Variants in MAPK8 observed in about 807,000 individuals in gnomAD.
MAPK8 encodes JUN N-terminal kinase.
Under a neutral mutation model 52.9 loss-of-function variants are expected in MAPK8, and 13 were observed. The ratio of observed to expected loss-of-function variants is 0.25; its 90% CI spans 0.16 to 0.39. The LOEUF (loss-of-function observed/expected upper bound fraction) is 0.39. Among genes scored for constraint, MAPK8 ranks in the 10% least tolerant of loss-of-function variants. The pLI is 1.00. For missense variants in MAPK8, 300 were observed against 519.2 expected, an observed-to-expected ratio of 0.58 and a Z score of 4.10; for synonymous variants, 191 against 169.8, an observed-to-expected ratio of 1.12 and a Z score of -0.97.
At chr10:48,339,259 T>C (rs1248932424) in intron 1 of MAPK8, among the ~76,000 whole-genome samples, 1 of 151,930 alleles carries the variant, frequency 6.6e-6, no homozygotes, top group Non-Finnish European at 1.5e-5. Context: ...TGGAACAAAA[T>C]AGAGAACCCA....
At chr10:48,330,472 G>A (rs1277547698) in intron 1 of MAPK8, among the ~76,000 whole-genome samples, 1 of 152,190 alleles carries the variant, frequency 6.6e-6, no homozygotes, top group Non-Finnish European at 1.5e-5. Context: ...AAGCAAATGA[G>A]AGAACCCAGC....
chr10:48,376,601 T>G (rs2040678218), intron 1 of MAPK8, among the ~76,000 whole-genome samples: 1 of 152,172 alleles, frequency 6.6e-6, no homozygotes, highest in Non-Finnish European at 1.5e-5. Context: ...AAAGAAGACA[T>G]TTATGCAGCC....
intron 1 of MAPK8, among the ~76,000 whole-genome samples, chr10:48,365,637 C>A (rs781460710): frequency 1.4e-4 from 21 of 152,042 alleles, no homozygotes; most frequent in Non-Finnish European, 2.8e-4. Context: ...GATTATTATC[C>A]CATCTTTTGA....
intron 1 of MAPK8, among the ~76,000 whole-genome samples, chr10:48,332,703 C>A (rs1844272911): frequency 6.6e-6 from 1 of 152,240 alleles, no homozygotes; most frequent in African/African-American, 2.4e-5. Context: ...AAACCATTTA[C>A]ATGAACTATG....
intron 2 of MAPK8, among the ~76,000 whole-genome samples, chr10:48,403,980 T>C (rs2042312344): frequency 6.8e-6 from 1 of 146,444 alleles, no homozygotes; most frequent in East Asian, 2.0e-4. Context: ...AGACAGGGTT[T>C]CACCATGTTA....
At chr10:48,378,633 A>C (rs2040810939) in intron 1 of MAPK8, among the ~76,000 whole-genome samples, 2 of 152,162 alleles carry the variant, frequency 1.3e-5, no homozygotes, top group Non-Finnish European at 2.9e-5. Context: ...GAAAACTCAA[A>C]AACAATGGTC....
At chr10:48,338,741 A>G (rs762166251) in intron 1 of MAPK8, among the ~76,000 whole-genome samples, 6 of 152,196 alleles carry the variant, frequency 3.9e-5, no homozygotes, top group Admixed American at 1.3e-4. Flanking sequence ...AGGATACAAA[A>G]TAAATGTACA....
At chr10:48,322,028 C>T (rs1011657836) in intron 1 of MAPK8, among the ~76,000 whole-genome samples, 3 of 152,134 alleles carry the variant, frequency 2.0e-5, no homozygotes, top group Non-Finnish European at 2.9e-5. Flanking sequence ...TTAGTTCACT[C>T]GCTTGTGGCA....
intron 1 of MAPK8, among the ~76,000 whole-genome samples, chr10:48,396,413 A>G (rs2041890776): frequency 6.6e-6 from 1 of 152,220 alleles, no homozygotes; most frequent in Non-Finnish European, 1.5e-5. Context: ...CACACGTACT[A>G]GAATGGCTAA....
intron 1 of MAPK8, among the ~76,000 whole-genome samples, chr10:48,386,952 G>A (rs947184514): frequency 6.6e-6 from 1 of 152,180 alleles, no homozygotes; most frequent in Non-Finnish European, 1.5e-5. Flanking sequence ...CATGTGTCTG[G>A]CGCTATTTAG....
At chr10:48,337,916 A>AACAG (rs1184166860) in intron 1 of MAPK8, among the ~76,000 whole-genome samples, 1 of 135,746 alleles carries the variant, frequency 7.4e-6, no homozygotes, top group Non-Finnish European at 1.6e-5. Context: ...CAAAATCCTG[A>AACAG]ACAGACCAAT....
intron 9 of MAPK8, chr10:48,426,732 C>T: frequency 1.9e-6 from 1 of 515,540 alleles, no homozygotes; most frequent in South Asian, 2.5e-5. Flanking sequence ...TGCCTGGATA[C>T]CTAACCAGAG....
chr10:48,327,280 C>T (rs1005212224), intron 1 of MAPK8, among the ~76,000 whole-genome samples: 1 of 151,902 alleles, frequency 6.6e-6, no homozygotes, highest in Admixed American at 6.6e-5. Flanking sequence ...GTTTTCTGAC[C>T]GTTTTCATCA....
chr10:48,315,956 A>G (rs1842455843), intron 1 of MAPK8, among the ~76,000 whole-genome samples: 1 of 152,212 alleles, frequency 6.6e-6, no homozygotes, highest in Non-Finnish European at 1.5e-5. Context: ...TTTAAATGTT[A>G]TGAATAATAA....
At chr10:48,425,700 A>G (rs2043637927) in intron 7 of MAPK8, 188 bp from the exon 8 acceptor site, 1 of 441,666 alleles carries the variant, frequency 2.3e-6, no homozygotes, top group Non-Finnish European at 4.0e-6. Context: ...AGGTTAATAA[A>G]GCTTATTTAT....
intron 1 of MAPK8, among the ~76,000 whole-genome samples, chr10:48,387,587 A>T (rs924357458): frequency 6.6e-6 from 1 of 152,154 alleles, no homozygotes; most frequent in African/African-American, 2.4e-5. Flanking sequence ...ATTATACATG[A>T]ATTTAACTTT....
At chr10:48,413,128 T>A (rs963163732) in intron 5 of MAPK8, among the ~76,000 whole-genome samples, 4 of 152,356 alleles carry the variant, frequency 2.6e-5, no homozygotes, top group Middle Eastern at 3.4e-3. Flanking sequence ...AGAATTTTCT[T>A]CCTTTTCAAG....
intron 1 of MAPK8, among the ~76,000 whole-genome samples, chr10:48,341,296 G>T (rs769959386): frequency 5.9e-5 from 9 of 152,148 alleles, no homozygotes; most frequent in Non-Finnish European, 8.8e-5. Flanking sequence ...AAAAGTAAAA[G>T]AAGAAACGTT....
At chr10:48,412,649 C>G (rs1457248646) in intron 5 of MAPK8, among the ~76,000 whole-genome samples, 4 of 152,212 alleles carry the variant, frequency 2.6e-5, no homozygotes, top group African/African-American at 9.6e-5. Flanking sequence ...ATGCCTCTGT[C>G]TAACCTTGGA....
Sources: gnomAD v4.1 joint callset for allele counts (sites outside exome capture counted in the v4.1 genomes callset) on GRCh38, gnomAD v4.1.1 for gene constraint, MANE v1.5 for transcripts, NCBI Gene and HGNC (gene_info 2026-07-23, HGNC 2026-07-21) for gene names.